LRP8: variants seen among roughly 807,000 people sequenced by gnomAD.
LRP8 encodes low-density lipoprotein receptor-related protein 8.
LRP8 carries 46 observed loss-of-function variants against 111.6 expected under a neutral mutation model. The ratio of observed to expected loss-of-function variants is 0.41; its 90% CI spans 0.33 to 0.53. LRP8 has a LOEUF of 0.53. Ranked by LOEUF, LRP8 falls within the 20% of genes least tolerant of loss-of-function variation. The pLI, the probability that LRP8 is intolerant of heterozygous loss-of-function variation, is 0.20. For synonymous variants in LRP8, 464 were observed against 511.2 expected (o/e 0.91, Z 1.24); for missense variants, 959 against 1,297.4 (o/e 0.74, Z 4.01).
rs1345940086 is a variant in LRP8, at chr1:53,317,347, G to A, written c.244+9526C>T. Among the ~76,000 whole-genome samples the A allele has an allele frequency of 6.6e-6, 1 of 152,186 alleles. No homozygotes were observed. Among genetic ancestry groups the A allele is most frequent in the Non-Finnish European group, 1.5e-5 (1 of 68,034 alleles). On this transcript the variant is annotated intron_variant, in intron 2 of 18. Coordinates refer to ENST00000306052, the MANE Select transcript of LRP8 (RefSeq NM_004631.5). The surrounding 1 kb of genome is among the most constrained non-coding windows in gnomAD (Gnocchi z 4.9). ...ACCCACTGGGGAACCAAGGCCCCAC[G>A]TGGCTAACTACCGTGGCAGGCCCGG...
intron 2 of LRP8, among the ~76,000 whole-genome samples, chr1:53,326,253 A>C (rs751035157): frequency 6.6e-6 from 1 of 152,218 alleles, no homozygotes; most frequent in Non-Finnish European, 1.5e-5. Flanking sequence ...CTACCACCCT[A>C]AGGATATGCG....
intron 2 of LRP8, among the ~76,000 whole-genome samples, chr1:53,316,593 T>G (rs551648659): frequency 1.3e-5 from 2 of 152,332 alleles, no homozygotes; most frequent in South Asian, 4.1e-4. Context: ...TGGAGCACCC[T>G]GTACCTGGGG....
At chr1:53,269,740 C>G (rs1278196030) in intron 8 of LRP8, among the ~76,000 whole-genome samples, 1 of 152,156 alleles carries the variant, frequency 6.6e-6, no homozygotes, top group Non-Finnish European at 1.5e-5. Flanking sequence ...TTTTCCTTAG[C>G]CCTTATCGCC....
chr1:53,324,683 G>C (rs966229898), intron 2 of LRP8, among the ~76,000 whole-genome samples: 2 of 152,144 alleles, frequency 1.3e-5, no homozygotes, highest in African/African-American at 4.8e-5. Flanking sequence ...TTGGCCATTG[G>C]AGCTCTCTTG....
At chr1:53,291,896 T>A (rs552807821) in intron 2 of LRP8, 10 of 152,338 alleles carry the variant, frequency 6.6e-5, no homozygotes, top group African/African-American at 2.4e-4. Flanking sequence ...GAGTCCAACA[T>A]GGTTTGCTTT....
At chr1:53,272,161 G>GT (rs938180485) in intron 6 of LRP8, among the ~76,000 whole-genome samples, 5 of 152,026 alleles carry the variant, frequency 3.3e-5, no homozygotes, top group Non-Finnish European at 7.4e-5. Flanking sequence ...AATATGATGG[G>GT]TTTTTTAACT....
intron 16 of LRP8, among the ~76,000 whole-genome samples, chr1:53,253,534 C>G (rs1046546908): frequency 6.6e-6 from 1 of 152,146 alleles, no homozygotes; most frequent in South Asian, 2.1e-4. Flanking sequence ...GGAAATAATA[C>G]TCATCTTTCA....
Position 53,294,399 on chromosome 1 carries a change from G to C in LRP8, c.245-4710C>G, listed in dbSNP as rs188654468. Among the ~76,000 whole-genome samples the C allele has an allele frequency of 1.3e-5, 2 of 152,128 alleles. No individual in the cohort carries two copies. Among genetic ancestry groups the C allele is most frequent in the African/African-American group, 4.8e-5 (2 of 41,436 alleles). ...GAAATGCTATTTATAACAAGAACAC[G>C]GGCCAAGGAAAGTGCCAGACAGTCC... is the stretch of plus-strand genomic sequence containing the variant. On this transcript the variant is annotated intron_variant, in intron 2 of 18. Transcript: ENST00000306052. The surrounding 1 kb of genome is among the most constrained non-coding windows in gnomAD (Gnocchi z 4.1).
intron 9 of LRP8, among the ~76,000 whole-genome samples, chr1:53,264,963 G>C (rs1646496693): frequency 6.6e-6 from 1 of 152,160 alleles, no homozygotes; most frequent in Admixed American, 6.5e-5. Flanking sequence ...TCTCCCCAGT[G>C]ATAACTAGAC....
At position 53,280,615 on chromosome 1, in the gene LRP8, A is replaced by T; in HGVS notation, c.468T>A (p.Gly156=). 6.2e-7 allele frequency: 1 copy of T among 1,612,964 alleles called. No homozygotes were observed. The highest frequency in any genetic ancestry group is 1.1e-5 in the South Asian group (1 of 91,068). ...WRCDGEKDCE[G]GADEAGCATL... Reference sequence around the variant, plus strand: ...TAGCACAGCCGGCCTCATCCGCTCCACCCTCGCAGTCCTTCTCCCCGTCGC... The same window carrying T: ...TAGCACAGCCGGCCTCATCCGCTCCTCCCTCGCAGTCCTTCTCCCCGTCGC... The change falls in exon 4 of 19, where the codon GGT becomes GGA. Residue 156 remains glycine, a synonymous_variant. Transcript: ENST00000306052.
intron 12 of LRP8, 129 bp downstream of exon 12, chr1:53,261,939 C>A: frequency 8.6e-7 from 1 of 1,162,292 alleles, no homozygotes; most frequent in Admixed American, 2.5e-5. Context: ...AGATTGTTTA[C>A]AAACAAATCA....
chr1:53,301,018 G>C (rs183847492), intron 2 of LRP8, among the ~76,000 whole-genome samples: 4 of 152,292 alleles, frequency 2.6e-5, no homozygotes, highest in African/African-American at 9.6e-5. Flanking sequence ...GAGGGTGCTC[G>C]AGGTGTGGGG....
intron 2 of LRP8, among the ~76,000 whole-genome samples, chr1:53,314,763 G>A (rs895671592): frequency 6.6e-6 from 1 of 152,192 alleles, no homozygotes; most frequent in Admixed American, 6.5e-5. Context: ...ATGGAAGGGG[G>A]AGGCCGCTTT....
Position 53,257,415 on chromosome 1 carries a change from T to C in LRP8, c.2259A>G (p.Thr753=). 2 of 1,614,162 alleles carry C rather than the reference T, an allele frequency of 1.2e-6. No homozygotes were observed. ...CGGGGGCTCTTGTGGTGGCAGGTAC[T>C]GTCCTCGTCATGGTAGAAGCTAACG... The part of the protein sequence containing the change: ...TTTLASTMTR[T]VPATTRAPGT... Residue 753 remains threonine, a synonymous_variant, in exon 15 of 19, where the codon ACA becomes ACG. Coordinates refer to ENST00000306052, the MANE Select transcript of LRP8 (RefSeq NM_004631.5).
At chr1:53,323,878 A>C (rs1470189978) in intron 2 of LRP8, among the ~76,000 whole-genome samples, 1 of 152,222 alleles carries the variant, frequency 6.6e-6, no homozygotes, top group African/African-American at 2.4e-5. Flanking sequence ...ATTAGTTACC[A>C]TCTTTCAGGC....
intron 15 of LRP8, 86 bp from the exon 16 acceptor site, chr1:53,255,271 C>T: frequency 1.9e-6 from 2 of 1,073,508 alleles, no homozygotes; most frequent in South Asian, 2.6e-5. Context: ...AACTACCCAA[C>T]TGCTGCTCAT....
At chr1:53,281,192 A>C (rs1647096383) in intron 3 of LRP8, among the ~76,000 whole-genome samples, 1 of 152,144 alleles carries the variant, frequency 6.6e-6, no homozygotes, top group South Asian at 2.1e-4. Flanking sequence ...CCAAGGCCCC[A>C]ACGGCTCCAA....
intron 6 of LRP8, among the ~76,000 whole-genome samples, chr1:53,273,088 C>T (rs1473912465): frequency 1.3e-5 from 2 of 152,198 alleles, no homozygotes; most frequent in African/African-American, 2.4e-5. Flanking sequence ...CAGGTCTGCA[C>T]CTGTCTGTCC....
At position 53,266,595 on chromosome 1, in the gene LRP8, G is replaced by A. The variant is rs367797092; in HGVS notation, c.1305C>T (p.Ile435=). 39 of 1,614,060 alleles carry A rather than the reference G, an allele frequency of 2.4e-5. No homozygotes were observed. Among genetic ancestry groups the A allele is most frequent in the Non-Finnish European group, 2.9e-5 (34 of 1,180,044 alleles). The change falls in exon 9 of 19, where the codon ATC becomes ATT. Residue 435 remains isoleucine, a synonymous_variant. Transcript: ENST00000306052. The surrounding 1 kb of genome is among the most constrained non-coding windows in gnomAD (Gnocchi z 5.0). ...IFTNRHEVRR[I]DLVKRNYSRL... Reference sequence around the variant, plus strand: ...GTGAATAGTTCCGCTTCACCAGGTCGATCCTCCGCACCTCGTGCCGGTTGG... The same window carrying A: ...GTGAATAGTTCCGCTTCACCAGGTCAATCCTCCGCACCTCGTGCCGGTTGG...
Sources: gnomAD v4.1 joint callset for allele counts (sites outside exome capture counted in the v4.1 genomes callset) on GRCh38, gnomAD v4.1.1 for gene constraint, Gnocchi (gnomAD v3.1) non-coding constraint, MANE v1.5 for transcripts, NCBI Gene and HGNC (gene_info 2026-07-23, HGNC 2026-07-21) for gene names.